GSE1: variants seen among roughly 807,000 people sequenced by gnomAD.
GSE1 encodes the protein genetic suppressor element 1.
A neutral mutation model predicts 112.6 loss-of-function variants in GSE1; 32 were observed. The ratio of observed to expected loss-of-function variants is 0.28; its 90% CI spans 0.21 to 0.38. The LOEUF is 0.38. GSE1 is among the 10% of genes least tolerant of loss of function. GSE1 has a pLI of 1.00. For missense variants in GSE1, 2,348 were observed against 1,699.2 expected (o/e 1.38, Z -6.71); for synonymous variants, 1,115 against 735.6 (o/e 1.52, Z -8.35).
At chr16:85,376,012 G>A (rs1324538382) in intron 2 of GSE1, among the ~76,000 whole-genome samples, 2 of 152,178 alleles carry the variant, frequency 1.3e-5, no homozygotes, top group African/African-American at 4.8e-5. Context: ...TTCCCACAGG[G>A]AACCAGACCC....
intron 1 of GSE1, among the ~76,000 whole-genome samples, chr16:85,585,326 T>C (rs1598281883): frequency 6.6e-6 from 1 of 152,238 alleles, no homozygotes; most frequent in Non-Finnish European, 1.5e-5. Flanking sequence ...CTCCAAGCCC[T>C]GCCCTGGGGC....
In GSE1 at chr16:85,656,054, A is replaced by G. The variant is rs999052220; in HGVS notation, c.989+137A>G. 10 of 716,940 alleles carry G rather than the reference A, an allele frequency of 1.4e-5. No homozygotes were observed. In the African/African-American group the frequency reaches 1.8e-4, roughly 13 times the overall value. 44.4% of individuals were successfully genotyped at this position (716,940 alleles called of 1,614,324 possible). On this transcript the variant is annotated intron_variant, in intron 6 of 15. Coordinates refer to ENST00000253458, the MANE Select transcript of GSE1 (RefSeq NM_014615.5). ...ACAGTTTGTCCACCTGCCAAATGGG[A>G]CAATGATCGTTCAGGCTCTGCTCTG...
intron 1 of GSE1, among the ~76,000 whole-genome samples, chr16:85,255,272 C>T (rs1029422724): frequency 2.6e-5 from 4 of 152,212 alleles, no homozygotes. Context: ...AGGCCAGAGC[C>T]TGGGCTTGGG....
chr16:85,616,717 C>T (rs931566531), intron 1 of GSE1, among the ~76,000 whole-genome samples: 4 of 152,030 alleles, frequency 2.6e-5, no homozygotes, highest in South Asian at 2.1e-4. Flanking sequence ...TCTCAGATCT[C>T]GGTGGCCTCA....
Position 85,200,870 on chromosome 16 carries a change from C to G in GSE1, c.2283+29063C>G, listed in dbSNP as rs117241975. 8.3e-3 allele frequency among the ~76,000 whole-genome samples: 1,266 copies of G among 152,322 alleles called. 9 individuals are homozygous for G. The highest frequency in any genetic ancestry group is 0.014 in the Non-Finnish European group (972 of 68,024). On this transcript the variant is annotated intron_variant, in intron 1 of 2. Coordinates refer to the GSE1 transcript ENST00000637419. ...TTTGTCTTCTCACACTGAACTGTCC[C>G]CGGTAAACATGAACTCCACTTCCTG...
chr16:85,235,639 G>A (rs1904551885), intron 1 of GSE1, among the ~76,000 whole-genome samples: 2 of 149,286 alleles, frequency 1.3e-5, no homozygotes, highest in Admixed American at 6.6e-5. Context: ...CATACTCCTC[G>A]TCCCCCCTCC....
intron 1 of GSE1, among the ~76,000 whole-genome samples, chr16:85,293,091 G>A (rs1381531686): frequency 6.6e-6 from 1 of 152,016 alleles, no homozygotes; most frequent in Non-Finnish European, 1.5e-5. Flanking sequence ...GTGTTCCACC[G>A]ATCCCCCATG....
chr16:85,257,236 A>G (rs537606491), intron 1 of GSE1, among the ~76,000 whole-genome samples: 1 of 152,256 alleles, frequency 6.6e-6, no homozygotes, highest in African/African-American at 2.4e-5. Flanking sequence ...ATCCTCCCGA[A>G]TAGCTGGCAT....
At chr16:85,591,037 G>A (rs201750162) in intron 1 of GSE1, among the ~76,000 whole-genome samples, 4 of 152,166 alleles carry the variant, frequency 2.6e-5, no homozygotes, top group Non-Finnish European at 5.9e-5. Flanking sequence ...CCTGTGTCCC[G>A]AGGGCCACCC....
intron 2 of GSE1, among the ~76,000 whole-genome samples, chr16:85,420,689 C>T (rs927458563): frequency 6.6e-6 from 1 of 152,196 alleles, no homozygotes; most frequent in Non-Finnish European, 1.5e-5. Flanking sequence ...TATGACCACA[C>T]CTGTGATCCG....
chr16:85,201,016 T>G (rs1039221417), intron 1 of GSE1, among the ~76,000 whole-genome samples: 1 of 152,154 alleles, frequency 6.6e-6, no homozygotes, highest in African/African-American at 2.4e-5. Context: ...GAAGCAGTAT[T>G]GGTTTTGTTT....
At chr16:85,460,195 C>T (rs893634960) in intron 2 of GSE1, among the ~76,000 whole-genome samples, 8 of 152,194 alleles carry the variant, frequency 5.3e-5, no homozygotes, top group African/African-American at 1.7e-4. Flanking sequence ...CAAGGTCAAA[C>T]GGGCTGGCCT....
chr16:85,614,119 C>T (rs1389147477), intron 1 of GSE1, among the ~76,000 whole-genome samples: 2 of 149,532 alleles, frequency 1.3e-5, no homozygotes, highest in Non-Finnish European at 3.0e-5. Context: ...GCTGCCCCAG[C>T]CTCGGAGGTG....
chr16:85,645,532 G>C (rs548548224), intron 2 of GSE1, among the ~76,000 whole-genome samples: 44 of 152,256 alleles, frequency 2.9e-4, no homozygotes, highest in Non-Finnish European at 4.4e-4. Context: ...GCACCTTTGG[G>C]AGAGCAAAGT....
At chr16:85,196,082 A>G (rs1440395206) in intron 1 of GSE1, among the ~76,000 whole-genome samples, 1 of 152,196 alleles carries the variant, frequency 6.6e-6, no homozygotes, top group African/African-American at 2.4e-5. Context: ...CCCAGTGGGG[A>G]AAAACGAGGG....
intron 1 of GSE1, among the ~76,000 whole-genome samples, chr16:85,239,068 T>C (rs906731867): frequency 3.3e-4 from 50 of 152,190 alleles, no homozygotes; most frequent in African/African-American, 1.2e-3. Flanking sequence ...GCTGGGATTA[T>C]AGGCACCCGC....
intron 2 of GSE1, among the ~76,000 whole-genome samples, chr16:85,476,873 A>G (rs1054140269): frequency 4.7e-5 from 7 of 150,520 alleles, no homozygotes; most frequent in Admixed American, 1.3e-4. Context: ...TTGGCCTTCC[A>G]AAGTGTCGAG....
At chr16:85,290,861 C>A (rs2045189109) in intron 1 of GSE1, among the ~76,000 whole-genome samples, 1 of 152,210 alleles carries the variant, frequency 6.6e-6, no homozygotes, top group Admixed American at 6.5e-5. Context: ...GTCCCCTCGT[C>A]CCTGAGCAGG....
intron 2 of GSE1, among the ~76,000 whole-genome samples, chr16:85,445,645 G>C (rs981368930): frequency 2.0e-5 from 3 of 152,196 alleles, no homozygotes; most frequent in African/African-American, 7.2e-5. Flanking sequence ...CTTTGGGTTT[G>C]GCACTGTGTT....
Sources: gnomAD v4.1 joint callset for allele counts (sites outside exome capture counted in the v4.1 genomes callset) on GRCh38, gnomAD v4.1.1 for gene constraint, MANE v1.5 for transcripts, NCBI Gene and HGNC (gene_info 2026-07-23, HGNC 2026-07-21) for gene names.